SESTD1: variants seen among roughly 807,000 people sequenced by gnomAD.
SESTD1 encodes SEC14 domain and spectrin repeat-containing protein 1.
In SESTD1, 43 loss-of-function variants were observed where a neutral mutation model predicts 101.7. The ratio of observed to expected loss-of-function variants is 0.42; its 90% CI spans 0.33 to 0.55. The LOEUF (loss-of-function observed/expected upper bound fraction) is 0.55. Among genes scored for constraint, SESTD1 ranks in the 20% least tolerant of loss-of-function variants. SESTD1 has a pLI of 0.07. For synonymous variants in SESTD1, 283 were observed against 286.8 expected (o/e 0.99, Z 0.13); for missense variants, 647 against 815.1 (o/e 0.79, Z 2.51).
At chr2:179,124,687 T>C (rs995671163) in intron 10 of SESTD1, 129 bp from the exon 11 acceptor site, 6 of 742,684 alleles carry the variant, frequency 8.1e-6, no homozygotes, top group Admixed American at 2.9e-5. Context: ...TTATTAAAAT[T>C]GAGGGTGGAA....
At chr2:179,256,511 G>A (rs896235951) in intron 1 of SESTD1, among the ~76,000 whole-genome samples, 3 of 152,122 alleles carry the variant, frequency 2.0e-5, no homozygotes, top group African/African-American at 7.2e-5. Flanking sequence ...GCAATCTCAA[G>A]ATAAAACTTT....
intron 15 of SESTD1, among the ~76,000 whole-genome samples, chr2:179,115,941 C>A (rs1361128154): frequency 6.6e-6 from 1 of 152,086 alleles, no homozygotes; most frequent in African/African-American, 2.4e-5. Flanking sequence ...ATATAGGAAA[C>A]TACATCTGTT....
Position 179,206,517 on chromosome 2 carries a change from T to C in SESTD1, c.-25-14651A>G, listed in dbSNP as rs779644759. ...CTGTAGGCACTCCTGGTCCCCAGCA[T>C]GAGCCCAGGGAAGCCATTCCTGACC... On this transcript the variant is annotated intron_variant, in intron 1 of 17. Coordinates refer to ENST00000428443, the MANE Select transcript of SESTD1 (RefSeq NM_178123.5). 5.2e-5 allele frequency among the ~76,000 whole-genome samples: 7 copies of C among 135,714 alleles called. 2 individuals carry two copies. Among genetic ancestry groups the C allele is most frequent in the Admixed American group, 3.6e-4 (5 of 14,020 alleles). The allele number at this position is 135,714 out of a possible 152,430, so 89.0% of individuals were successfully genotyped here.
At position 179,151,324 on chromosome 2, in the gene SESTD1, C is replaced by A; in HGVS notation, c.437G>T (p.Gly146Val). The A allele has an allele frequency of 6.2e-7, 1 of 1,608,568 alleles. No homozygotes were observed. Among genetic ancestry groups the A allele is most frequent in the East Asian group, 2.3e-5 (1 of 44,432 alleles). ...CATGTGATCATAGGTGAGACTCCCA[C>A]CAAAATCTTCTGTTAATTGGCATGG... ...IEPCQLTEDF[G>V]GSLTYDHMDW... The change falls in exon 6 of 18, where the codon GGT becomes GTT. Residue 146 changes from glycine to valine, a missense_variant. By Grantham distance (109) the Gly-to-Val change is moderately radical. Around this residue, in one of 3 missense-constraint regions of SESTD1, gnomAD observed 168 missense variants for 235.1 expected, o/e 0.71. Coordinates refer to ENST00000428443, the MANE Select transcript of SESTD1 (RefSeq NM_178123.5).
rs1327122388 is a variant in SESTD1, at chr2:179,201,587, G to A, written c.-25-9721C>T. On this transcript the variant is annotated intron_variant, in intron 1 of 17. Coordinates refer to ENST00000428443, the MANE Select transcript of SESTD1 (RefSeq NM_178123.5). ...GCACATATACACCATGGAATACTAT[G>A]CAGCCATAAAAAATGATGAGTTCAT... Among the ~76,000 whole-genome samples the A allele has an allele frequency of 1.6e-5, 2 of 127,328 alleles. 1 individual carries two copies. Among genetic ancestry groups the A allele is most frequent in the African/African-American group, 6.4e-5 (2 of 31,212 alleles). The allele number at this position is 127,328 out of a possible 152,430, so 83.5% of individuals were successfully genotyped here. A position where few individuals can be genotyped will look rare whatever the true frequency, so the allele number is the denominator to read the frequency against.
At chr2:179,116,147 G>A in intron 15 of SESTD1, among the ~76,000 whole-genome samples, 1 of 152,016 alleles carries the variant, frequency 6.6e-6, no homozygotes. Flanking sequence ...GGTGGCCGGT[G>A]CCTGTAATCC....
In SESTD1 at chr2:179,264,641, C is replaced by T; in HGVS notation, c.-168G>A. On this transcript the variant is annotated 5_prime_UTR_variant, in exon 1 of 18. Transcript: ENST00000428443. ...GAGCGGGCCCGGGCGGCGGCGGCAG[C>T]AGCGGCGACGGCTGCGGCTCCAGTC... The T allele has an allele frequency of 6.6e-6, 1 of 151,964 alleles. No individual in the cohort carries two copies. Among genetic ancestry groups the T allele is most frequent in the Admixed American group, 6.6e-5 (1 of 15,066 alleles). The allele number at this position is 151,964 out of a possible 1,614,324, so 9.4% of individuals were successfully genotyped here. A position where few individuals can be genotyped will look rare whatever the true frequency, so the allele number is the denominator to read the frequency against.
intron 5 of SESTD1, among the ~76,000 whole-genome samples, chr2:179,168,333 T>C (rs923205147): frequency 1.2e-4 from 18 of 152,198 alleles, no homozygotes; most frequent in African/African-American, 4.1e-4. Context: ...CAATGTATAA[T>C]ACATATACAA....
intron 7 of SESTD1, among the ~76,000 whole-genome samples, chr2:179,147,370 T>G (rs1422639735): frequency 2.0e-5 from 3 of 151,704 alleles, no homozygotes; most frequent in Non-Finnish European, 2.9e-5. Flanking sequence ...TTTTTGTTTT[T>G]TTTTTTTTTG....
At chr2:179,226,569 C>A (rs761245508) in intron 1 of SESTD1, among the ~76,000 whole-genome samples, 5 of 152,108 alleles carry the variant, frequency 3.3e-5, no homozygotes, top group Non-Finnish European at 7.4e-5. Flanking sequence ...CTGATATGTG[C>A]ATAGAAGTGG....
At chr2:179,228,308 C>A (rs755199421) in intron 1 of SESTD1, among the ~76,000 whole-genome samples, 5 of 152,160 alleles carry the variant, frequency 3.3e-5, no homozygotes, top group Non-Finnish European at 5.9e-5. Context: ...GAATATTATA[C>A]CTCTTACCTC....
At chr2:179,174,582 TAA>T in intron 4 of SESTD1, 2 of 383,344 alleles carry the variant, frequency 5.2e-6, no homozygotes, top group South Asian at 4.1e-5. Flanking sequence ...GCTTGAAATA[TAA>T]AAGTGCTGGA....
At position 179,123,879 on chromosome 2, in the gene SESTD1, AAG is replaced by A. The variant is rs761481316; in HGVS notation, c.1168-52_1168-51del. On this transcript the variant is annotated intron_variant, in intron 11 of 17. Transcript: ENST00000428443. ...ATAACCCTGATGTAATCAGCATCTA[AAG>A]TGTTTAATGATTAATGAGGTTTATA... is the stretch of plus-strand genomic sequence containing the variant. 4.4e-6 allele frequency: 6 copies of A among 1,363,996 alleles called. No individual in the cohort carries two copies. The African/African-American group carries it at 8.6e-5, about 19-fold the overall frequency. 84.5% of individuals were successfully genotyped at this position (1,363,996 alleles called of 1,614,324 possible).
intron 5 of SESTD1, among the ~76,000 whole-genome samples, chr2:179,156,349 CAG>C (rs1447062720): frequency 2.6e-5 from 4 of 152,204 alleles, no homozygotes; most frequent in Non-Finnish European, 5.9e-5. Flanking sequence ...GGTAGATACC[CAG>C]TAGTGGGACT....
At chr2:179,146,732 CAAAG>C (rs1471784440) in intron 7 of SESTD1, among the ~76,000 whole-genome samples, 1 of 152,036 alleles carries the variant, frequency 6.6e-6, no homozygotes, top group Non-Finnish European at 1.5e-5. Context: ...TCAAATATAT[CAAAG>C]AAGTCCATTT....
Position 179,143,656 on chromosome 2 carries a change from T to C in SESTD1, c.785A>G (p.Gln262Arg), listed in dbSNP as rs768454624. 8 of 1,614,044 alleles carry C rather than the reference T, an allele frequency of 5.0e-6. No individual in the cohort carries two copies. In the Admixed American group the frequency reaches 1.0e-4, roughly 20 times the overall value. The change falls in exon 9 of 18, where the codon CAG becomes CGG. Residue 262 changes from glutamine (Q) to arginine (R), a missense_variant. Gln to Arg is a conservative substitution (Grantham distance 43). This residue lies in a region of SESTD1 where 476 missense variants were observed against 562.6 expected (regional missense o/e 0.85). Transcript: ENST00000428443. ...DSLREQYTRYQEVCRQRSKRT... is the reference protein window; with the variant it reads ...DSLREQYTRYREVCRQRSKRT... ...CTTGCTACGTTGCCTACAAACTTCC[T>C]GGTAGCGGGTATATTGCTCTCGGAG...
At chr2:179,142,418 G>A (rs1275794348) in intron 9 of SESTD1, among the ~76,000 whole-genome samples, 1 of 152,194 alleles carries the variant, frequency 6.6e-6, no homozygotes, top group African/African-American at 2.4e-5. Context: ...AAAGAAGGCA[G>A]AGAGGGAAAG....
chr2:179,169,551 A>C (rs2105471690), intron 5 of SESTD1, among the ~76,000 whole-genome samples: 1 of 152,318 alleles, frequency 6.6e-6, no homozygotes, highest in East Asian at 1.9e-4. Flanking sequence ...CAACATTACC[A>C]TGGATAGAGA....
chr2:179,258,570 G>T (rs1427861581), intron 1 of SESTD1, among the ~76,000 whole-genome samples: 1 of 152,184 alleles, frequency 6.6e-6, no homozygotes, highest in Non-Finnish European at 1.5e-5. Context: ...CTACTAGAAG[G>T]CAATTAAATT....
Sources: gnomAD v4.1 joint callset for allele counts (sites outside exome capture counted in the v4.1 genomes callset) on GRCh38, gnomAD v4.1.1 for gene constraint, gnomAD v4.1.1 regional missense constraint, MANE v1.5 for transcripts, NCBI Gene and HGNC (gene_info 2026-07-23, HGNC 2026-07-21) for gene names.